Variants in KMT2A observed in about 807,000 individuals in gnomAD.
KMT2A encodes histone-lysine N-methyltransferase 2A.
In KMT2A, 16 loss-of-function variants were observed where a neutral mutation model predicts 345.3. The ratio of observed to expected loss-of-function variants is 0.05; its 90% CI spans 0.03 to 0.07. The LOEUF (loss-of-function observed/expected upper bound fraction) is 0.07. Among genes scored for constraint, KMT2A ranks in the 10% least tolerant of loss-of-function variants. The pLI is 1.00. For synonymous variants in KMT2A, 1,599 were observed against 1,778.6 expected, an observed-to-expected ratio of 0.90 and a Z score of 2.54; for missense variants, 3,272 against 4,841.6, an observed-to-expected ratio of 0.68 and a Z score of 9.62.
At chr11:118,460,320 G>C (rs910263336) in intron 1 of KMT2A, among the ~76,000 whole-genome samples, 2 of 152,146 alleles carry the variant, frequency 1.3e-5, no homozygotes, top group African/African-American at 2.4e-5. Flanking sequence ...ATAGGGACTT[G>C]CTCTGTCACC....
At chr11:118,459,917 A>T (rs1478832472) in intron 1 of KMT2A, among the ~76,000 whole-genome samples, 3 of 151,900 alleles carry the variant, frequency 2.0e-5, no homozygotes, top group African/African-American at 7.3e-5. Flanking sequence ...ATGGTCTCAA[A>T]CTCCTGACCT....
rs200727599 is a variant in KMT2A at position 118,490,239 on chromosome 11, C to G, written c.4686C>G (p.Leu1562=). 2.8e-5 allele frequency: 44 copies of G among 1,561,774 alleles called. No individual in the cohort carries two copies. The East Asian group carries it at 9.1e-4, about 32-fold the overall frequency. The part of the protein sequence containing the change: ...DFSLCHDCAK[L]FAKGNFCPLC... ...CACTGTGTCATGATTGCGCCAAGCT[C>G]TTTGCTAAAGGTACCCAAAAAAGCC... The change falls in exon 13 of 36, where the codon CTC becomes CTG. Residue 1562 remains leucine, a synonymous_variant. Coordinates refer to ENST00000534358, the MANE Select transcript of KMT2A (RefSeq NM_001197104.2). This position sits in a 1 kb window ranked among gnomAD's most constrained non-coding sequence, Gnocchi z 4.2.
At position 118,505,111 on chromosome 11, in the gene KMT2A, C is replaced by A. The variant is rs148077979; in HGVS notation, c.9219C>A (p.His3073Gln). 3 of 1,614,164 alleles carry A rather than the reference C, an allele frequency of 1.9e-6. No homozygotes were observed. The highest frequency in any genetic ancestry group is 2.5e-6 in the Non-Finnish European group (3 of 1,180,002). Residue 3073 changes from histidine (H) to glutamine (Q), a missense_variant, in exon 27 of 36, where the codon CAC becomes CAA. His to Gln is a conservative substitution (Grantham distance 24). This residue lies in a region of KMT2A where 748 missense variants were observed against 922.2 expected (regional missense o/e 0.81). Coordinates refer to ENST00000534358, the MANE Select transcript of KMT2A (RefSeq NM_001197104.2). This position sits in a 1 kb window ranked among gnomAD's most constrained non-coding sequence, Gnocchi z 4.6. Reference sequence around the variant, plus strand: ...CAGCTGTCCAGACCACTCCACCCCACCTGAAGCCAGCCACTGAGAAACTCA... The same window carrying A: ...CAGCTGTCCAGACCACTCCACCCCAACTGAAGCCAGCCACTGAGAAACTCA... ...SNAAVQTTPP[H>Q]LKPATEKLIV...
intron 29 of KMT2A, among the ~76,000 whole-genome samples, chr11:118,509,704 T>C (rs1950649914): frequency 6.6e-6 from 1 of 152,162 alleles, no homozygotes; most frequent in Admixed American, 6.5e-5. Flanking sequence ...CAGATCGTCA[T>C]ACTAGAAATT....
Position 118,522,851 on chromosome 11 carries a change from C to G in KMT2A, c.*679C>G, listed in dbSNP as rs1467159783. 1.4e-5 allele frequency: 3 copies of G among 221,146 alleles called. No homozygotes were observed. The highest frequency in any genetic ancestry group is 6.7e-5 in the African/African-American group (3 of 44,594). The allele number at this position is 221,146 out of a possible 1,614,324, so 13.7% of individuals were successfully genotyped here. A position where few individuals can be genotyped will look rare whatever the true frequency, so the allele number is the denominator to read the frequency against. On this transcript the variant is annotated 3_prime_UTR_variant, in exon 36 of 36. Transcript: ENST00000534358. The surrounding 1 kb of genome is among the most constrained non-coding windows in gnomAD (Gnocchi z 5.4). ...TATCTCAGCCAATTACCTTTCTTGA[C>G]AGTAGGAGCGGCTTCCCTCTCCCAT...
chr11:118,461,095 T>A (rs1949735901), intron 1 of KMT2A, among the ~76,000 whole-genome samples: 1 of 152,236 alleles, frequency 6.6e-6, no homozygotes, highest in Non-Finnish European at 1.5e-5. Flanking sequence ...TACCTTATAT[T>A]TTATACACAA....
chr11:118,474,026 T>C lies in KMT2A; in HGVS notation c.2867T>C (p.Val956Ala), dbSNP rs2134272183. The change falls in exon 3 of 36, where the codon GTC becomes GCC. Residue 956 changes from valine to alanine, a missense_variant. Transcript: ENST00000534358. The part of the protein sequence containing the change: ...TSVTLGDTTA[V>A]KTKILIKKGR... The stretch of plus-strand genomic sequence containing the variant: ...GTGACTCTTGGGGATACAACAGCTG[T>C]CAAAACCAAAATACTTATAAAGAAA... The C allele has an allele frequency of 1.2e-6, 2 of 1,613,682 alleles. No individual in the cohort carries two copies. Among genetic ancestry groups the C allele is most frequent in the Non-Finnish European group, 1.7e-6 (2 of 1,179,912 alleles).
chr11:118,482,325 T>TG, intron 7 of KMT2A, 97 bp from the exon 8 acceptor site: 25 of 943,390 alleles, frequency 2.7e-5, no homozygotes, highest in Admixed American at 6.2e-5. Context: ...TTAAATAGTT[T>TG]TTTTTTTTTT....
At position 118,498,526 on chromosome 11, in the gene KMT2A, G is replaced by C. The variant is rs781805661; in HGVS notation, c.5959G>C (p.Glu1987Gln). Residue 1987 changes from glutamate to glutamine, a missense_variant and splice_region_variant, in exon 22 of 36, where the codon GAA becomes CAA. This residue lies in a region of KMT2A where 235 missense variants were observed against 503.4 expected (regional missense o/e 0.47). Transcript: ENST00000534358. The surrounding 1 kb of genome is among the most constrained non-coding windows in gnomAD (Gnocchi z 4.4). ...CQRHRDLIKG[E>Q]VVPENGFEVF... is the part of the protein sequence containing the mutation. ...ACGACATCGGGATTTGATCAAAGGC[G>C]AAGTGAGAGAGCTTTAGTTGCTTTA... 41 of 1,596,576 alleles carry C rather than the reference G, an allele frequency of 2.6e-5. No individual in the cohort carries two copies. The South Asian group carries it at 4.5e-4, about 18-fold the overall frequency.
chr11:118,503,151 A>T lies in KMT2A; in HGVS notation c.7259A>T (p.His2420Leu), dbSNP rs1450966966. The T allele has an allele frequency of 1.2e-6, 2 of 1,613,894 alleles. No homozygotes were observed. Among genetic ancestry groups the T allele is most frequent in the Non-Finnish European group, 1.7e-6 (2 of 1,180,018 alleles). Reference sequence around the variant, plus strand: ...AACAGATCATCCATTATCAACGAACATATGGGATCTAGTTCCAGAGATAGG... The same window carrying T: ...AACAGATCATCCATTATCAACGAACTTATGGGATCTAGTTCCAGAGATAGG... ...MSNRSSIINE[H>L]MGSSSRDRRQ... Residue 2420 changes from histidine (H) to leucine (L), a missense_variant, in exon 27 of 36, where the codon CAT becomes CTT. This residue lies in a region of KMT2A where 445 missense variants were observed against 500.9 expected (regional missense o/e 0.89). Transcript: ENST00000534358. This position sits in a 1 kb window ranked among gnomAD's most constrained non-coding sequence, Gnocchi z 5.3.
rs1555047235 is a variant in KMT2A at position 118,504,382 on chromosome 11, G to A, written c.8490G>A (p.Glu2830=). The stretch of plus-strand genomic sequence containing the variant: ...ATTTACTGGACACCTATAATACTGA[G>A]CTCCTGAAATCAGATTCAGACAATA... ...DKNLLDTYNT[E]LLKSDSDNNN... The change falls in exon 27 of 36, where the codon GAG becomes GAA. Residue 2830 remains glutamate, a synonymous_variant. Transcript: ENST00000534358. This position sits in a 1 kb window ranked among gnomAD's most constrained non-coding sequence, Gnocchi z 6.4. 6.2e-7 allele frequency: 1 copy of A among 1,614,116 alleles called. No homozygotes were observed. The highest frequency in any genetic ancestry group is 1.7e-5 in the Admixed American group (1 of 60,020).
intron 1 of KMT2A, chr11:118,449,861 A>C (rs934917049): frequency 6.6e-6 from 1 of 152,186 alleles, no homozygotes; most frequent in Non-Finnish European, 1.5e-5. Flanking sequence ...CAACAAACGG[A>C]AGAAAAAAAC....
At chr11:118,444,565 GTT>G (rs1249702485) in intron 1 of KMT2A, among the ~76,000 whole-genome samples, 1 of 151,952 alleles carries the variant, frequency 6.6e-6, no homozygotes, top group African/African-American at 2.4e-5. Flanking sequence ...TCTTGAAAAA[GTT>G]TTTTTTGTGT....
chr11:118,475,296 A>G (rs1407400006), intron 3 of KMT2A, among the ~76,000 whole-genome samples: 1 of 152,168 alleles, frequency 6.6e-6, no homozygotes, highest in African/African-American at 2.4e-5. Flanking sequence ...TTGTTTAACA[A>G]AGTAAGCTAG....
Position 118,436,504 on chromosome 11 carries a change from G to T in KMT2A, c.-9G>T, listed in dbSNP as rs782621928. 1.6e-6 allele frequency: 2 copies of T among 1,260,332 alleles called. No homozygotes were observed. The highest frequency in any genetic ancestry group is 3.6e-5 in the South Asian group (1 of 28,130). The allele number at this position is 1,260,332 out of a possible 1,614,324, so 78.1% of individuals were successfully genotyped here. A position where few individuals can be genotyped will look rare whatever the true frequency, so the allele number is the denominator to read the frequency against. ...TCTCCCTCTCGCTGCTTCACTTCAC[G>T]GGGCGAACATGGCGCACAGCTGTCG... On this transcript the variant is annotated 5_prime_UTR_variant, in exon 1 of 36. Transcript: ENST00000534358. The surrounding 1 kb of genome is among the most constrained non-coding windows in gnomAD (Gnocchi z 6.9).
chr11:118,503,550 T>C lies in KMT2A; in HGVS notation c.7658T>C (p.Ile2553Thr), dbSNP rs1195392557. 8 of 1,613,894 alleles carry C rather than the reference T, an allele frequency of 5.0e-6. No homozygotes were observed. Among genetic ancestry groups the C allele is most frequent in the Non-Finnish European group, 5.9e-6 (7 of 1,179,896 alleles). ...KESSPASPLQ[I>T]ESTSPTEPIS... ...AGTAGTCCTGCTTCCCCTTTGCAAATAGAGTCAACATCTCCCACAGAACCA... is the reference window on the plus strand; with the variant it reads ...AGTAGTCCTGCTTCCCCTTTGCAAACAGAGTCAACATCTCCCACAGAACCA... The change falls in exon 27 of 36, where the codon ATA (isoleucine) becomes ACA (threonine). Residue 2553 changes from isoleucine (I) to threonine (T), a missense_variant. Ile to Thr is a moderately conservative substitution (Grantham distance 89, BLOSUM62 -1). Transcript: ENST00000534358. This position sits in a 1 kb window ranked among gnomAD's most constrained non-coding sequence, Gnocchi z 5.3.
In KMT2A at chr11:118,519,659, G is replaced by A. The variant is rs2135282071; in HGVS notation, c.11188G>A (p.Val3730Ile). 1 of 1,614,144 alleles carries A rather than the reference G, an allele frequency of 6.2e-7. No individual in the cohort carries two copies. The highest frequency in any genetic ancestry group is 8.5e-7 in the Non-Finnish European group (1 of 1,180,004). The change falls in exon 32 of 36, where the codon GTT becomes ATT. Residue 3730 changes from valine (V) to isoleucine (I), a missense_variant. Transcript: ENST00000534358. ...GATGCTGGGGATTCTCCATGATGCA[G>A]TTGTGTTCCTCATTGAGCAGCTGTC... ...LRMLGILHDAVVFLIEQLSGA... is the reference protein window; with the variant it reads ...LRMLGILHDAIVFLIEQLSGA...
chr11:118,497,307 G>A lies in KMT2A; in HGVS notation c.5665-629G>A, dbSNP rs1950425860. ...CGTGAGCCACCGTGCCCGGCCAAAA[G>A]CTTTTAAATACCATCTGAGAGAACT... On this transcript the variant is annotated intron_variant, in intron 20 of 35. Transcript: ENST00000534358. The surrounding 1 kb of genome is among the most constrained non-coding windows in gnomAD (Gnocchi z 4.8). 6.6e-6 allele frequency among the ~76,000 whole-genome samples: 1 copy of A among 152,074 alleles called. No homozygotes were observed. The highest frequency in any genetic ancestry group is 1.5e-5 in the Non-Finnish European group (1 of 68,020).
chr11:118,487,160 C>T (rs1261818879), intron 10 of KMT2A, among the ~76,000 whole-genome samples: 2 of 152,202 alleles, frequency 1.3e-5, no homozygotes, highest in African/African-American at 4.8e-5. Context: ...TGCCAGGGGT[C>T]TACTGTATCC....
Sources: allele counts gnomAD v4.1 joint callset (sites outside exome capture counted in the v4.1 genomes callset), GRCh38; gene constraint gnomAD v4.1.1; regional missense constraint gnomAD v4.1.1; non-coding constraint Gnocchi (gnomAD v3.1); transcripts MANE v1.5; gene names NCBI Gene and HGNC (gene_info 2026-07-23, HGNC 2026-07-21).